RASA3: variants seen among roughly 807,000 people sequenced by gnomAD.
RASA3 encodes the protein ras GTPase-activating protein 3.
A neutral mutation model predicts 110.0 loss-of-function variants in RASA3; 73 were observed. The observed-to-expected ratio is 0.66, with a 90% CI of 0.55 to 0.81. RASA3 has a LOEUF of 0.81. RASA3 is among the 30% of genes least tolerant of loss of function. The probability of loss-of-function intolerance (pLI) is 0.00; values close to 1 mark genes in which losing one functional copy is unlikely to be tolerated. For missense variants in RASA3, 976 were observed against 1,113.2 expected (o/e 0.88, Z 1.75); for synonymous variants, 500 against 451.4 (o/e 1.11, Z -1.37).
In RASA3 at chr13:114,057,080, C is replaced by T. The variant is rs2079258036; in HGVS notation, c.174-4925G>A. ...CATTTTACACATTTGCAGCTGAGAA[C>T]CCTGGAGCCAGAACAGGCTCCAGCA... On this transcript the variant is annotated intron_variant, in intron 2 of 23. Coordinates refer to ENST00000334062, the MANE Select transcript of RASA3 (RefSeq NM_007368.4). This position sits in a 1 kb window ranked among gnomAD's most constrained non-coding sequence, Gnocchi z 5.0. 6.6e-6 allele frequency among the ~76,000 whole-genome samples: 1 copy of T among 152,314 alleles called. No homozygotes were observed. The highest frequency in any genetic ancestry group is 2.4e-5 in the African/African-American group (1 of 41,576).
At chr13:114,109,931 G>T (rs1302493951) in intron 1 of RASA3, among the ~76,000 whole-genome samples, 1 of 152,172 alleles carries the variant, frequency 6.6e-6, no homozygotes, top group Non-Finnish European at 1.5e-5. Context: ...GCAACTTCCC[G>T]GTGAACGTCC....
At chr13:114,009,901 C>A (rs969732894) in intron 16 of RASA3, among the ~76,000 whole-genome samples, 4 of 152,222 alleles carry the variant, frequency 2.6e-5, no homozygotes, top group Admixed American at 1.3e-4. Context: ...GCAGGGACCT[C>A]CATCACACGG....
At chr13:114,121,418 G>A (rs910886161) in intron 1 of RASA3, among the ~76,000 whole-genome samples, 3 of 152,166 alleles carry the variant, frequency 2.0e-5, no homozygotes, top group African/African-American at 7.2e-5. Context: ...CGTGTCTTCT[G>A]CCACGGATCT....
chr13:114,105,021 G>A (rs2080115530), intron 1 of RASA3, among the ~76,000 whole-genome samples: 4 of 151,838 alleles, frequency 2.6e-5, no homozygotes, highest in South Asian at 4.2e-4. Context: ...CTTCCATCTC[G>A]GGCCATAAAC....
At chr13:114,090,284 G>A (rs912315191) in intron 1 of RASA3, among the ~76,000 whole-genome samples, 5 of 152,302 alleles carry the variant, frequency 3.3e-5, no homozygotes, top group East Asian at 1.9e-4. Flanking sequence ...CTACACCCTC[G>A]TCAGCACTTG....
chr13:113,991,687 C>T (rs946869216), intron 22 of RASA3, among the ~76,000 whole-genome samples: 23 of 152,320 alleles, frequency 1.5e-4, no homozygotes, highest in Admixed American at 5.9e-4. Flanking sequence ...TTGAAACACA[C>T]GGTGTGCCTG....
At chr13:114,062,695 G>A (rs1004906622) in intron 2 of RASA3, among the ~76,000 whole-genome samples, 1 of 152,174 alleles carries the variant, frequency 6.6e-6, no homozygotes, top group Non-Finnish European at 1.5e-5. Context: ...TCGGACACGC[G>A]TGCTCACAGC....
At chr13:114,118,347 G>A (rs1327360796) in intron 1 of RASA3, among the ~76,000 whole-genome samples, 2 of 152,142 alleles carry the variant, frequency 1.3e-5, no homozygotes, top group African/African-American at 2.4e-5. Flanking sequence ...ACATTTTAGT[G>A]GGTGGGGAAG....
intron 2 of RASA3, among the ~76,000 whole-genome samples, chr13:114,064,311 G>A (rs1028278308): frequency 1.3e-5 from 2 of 152,164 alleles, no homozygotes; most frequent in Admixed American, 6.5e-5. Flanking sequence ...CAGAACCCAC[G>A]GTGAGCACCC....
chr13:114,004,549 G>C (rs1211632926), intron 18 of RASA3, among the ~76,000 whole-genome samples: 1 of 152,072 alleles, frequency 6.6e-6, no homozygotes. Flanking sequence ...GAAGCCACCT[G>C]CGACCCCAGC....
intron 3 of RASA3, among the ~76,000 whole-genome samples, chr13:114,049,772 C>T (rs1437993110): frequency 2.0e-5 from 3 of 152,250 alleles, no homozygotes; most frequent in East Asian, 1.9e-4. Context: ...AGGCCCCTGG[C>T]AGGGGCTGAG....
intron 15 of RASA3, among the ~76,000 whole-genome samples, chr13:114,012,039 A>T (rs926397063): frequency 1.3e-5 from 2 of 152,026 alleles, no homozygotes; most frequent in Admixed American, 6.6e-5. Flanking sequence ...GTACCCTGAG[A>T]GCTGCGGCCC....
At chr13:114,037,549 G>A (rs956915308) in intron 4 of RASA3, among the ~76,000 whole-genome samples, 2 of 152,164 alleles carry the variant, frequency 1.3e-5, no homozygotes, top group Non-Finnish European at 1.5e-5. Flanking sequence ...GGGGACGGAG[G>A]TTCCGTTTTG....
intron 4 of RASA3, among the ~76,000 whole-genome samples, chr13:114,038,648 T>C (rs9590530): frequency 0.71 from 107,693 of 152,136 alleles, 38,954 homozygotes; most frequent in African/African-American, 0.87. Context: ...CTCATGACCT[T>C]GGCAAATGGC....
chr13:114,115,368 C>T lies in RASA3; in HGVS notation c.55+17067G>A, dbSNP rs1239594456. ...TGGACAGTCACACCGACCCTTGGCCCGGGCGAGGCCACGTGTCCCACAAAA... is the reference window on the plus strand; with the variant it reads ...TGGACAGTCACACCGACCCTTGGCCTGGGCGAGGCCACGTGTCCCACAAAA... On this transcript the variant is annotated intron_variant, in intron 1 of 23. Coordinates refer to ENST00000334062, the MANE Select transcript of RASA3 (RefSeq NM_007368.4). This position sits in a 1 kb window ranked among gnomAD's most constrained non-coding sequence, Gnocchi z 5.0. 6.6e-6 allele frequency among the ~76,000 whole-genome samples: 1 copy of T among 152,216 alleles called. No homozygotes were observed. The highest frequency in any genetic ancestry group is 1.5e-5 in the Non-Finnish European group (1 of 68,040).
chr13:113,998,941 G>A (rs1369951888), intron 20 of RASA3, among the ~76,000 whole-genome samples: 1 of 152,238 alleles, frequency 6.6e-6, no homozygotes, highest in Non-Finnish European at 1.5e-5. Flanking sequence ...TGCGATGGTG[G>A]CTGCTGTGGT....
chr13:114,002,970 TGA>T (rs1290162228), intron 18 of RASA3, among the ~76,000 whole-genome samples: 1 of 152,168 alleles, frequency 6.6e-6, no homozygotes, highest in Non-Finnish European at 1.5e-5. Context: ...CACACAGCCC[TGA>T]GAGACGGCAG....
chr13:114,037,368 G>A (rs896229488), intron 4 of RASA3, among the ~76,000 whole-genome samples: 2 of 152,126 alleles, frequency 1.3e-5, no homozygotes, highest in African/African-American at 4.8e-5. Context: ...TACCACAAGC[G>A]ACCCGGAGGA....
At chr13:114,077,388 A>G (rs887227360) in intron 1 of RASA3, among the ~76,000 whole-genome samples, 7 of 149,062 alleles carry the variant, frequency 4.7e-5, no homozygotes, top group African/African-American at 1.7e-4. Flanking sequence ...ACTGGCACCA[A>G]CGCACCCAAT....
Sources: allele counts gnomAD v4.1 joint callset (sites outside exome capture counted in the v4.1 genomes callset), GRCh38; gene constraint gnomAD v4.1.1; non-coding constraint Gnocchi (gnomAD v3.1); transcripts MANE v1.5; gene names NCBI Gene and HGNC (gene_info 2026-07-23, HGNC 2026-07-21).